Variants in CACNA1C observed in about 807,000 individuals in gnomAD.
CACNA1C encodes the protein calcium voltage-gated channel subunit alpha1 C.
In CACNA1C, 30 loss-of-function variants were observed where a neutral mutation model predicts 229.0. That is an observed-to-expected ratio of 0.13 (90% CI 0.10 to 0.18). CACNA1C has a LOEUF of 0.18. CACNA1C is among the 10% of genes least tolerant of loss of function. The probability of loss-of-function intolerance (pLI) is 1.00; values close to 1 mark genes in which losing one functional copy is unlikely to be tolerated. For missense variants in CACNA1C, 1,658 were observed against 2,845.0 expected (o/e 0.58, Z 9.49); for synonymous variants, 1,114 against 1,132.5 (o/e 0.98, Z 0.33).
At chr12:2,154,746 C>A (rs1441687686) in intron 3 of CACNA1C, among the ~76,000 whole-genome samples, 1 of 152,228 alleles carries the variant, frequency 6.6e-6, no homozygotes, top group Non-Finnish European at 1.5e-5. Flanking sequence ...TCTCTCAGCT[C>A]CAAAGGCACA....
At chr12:2,395,829 A>G (rs1218049791) in intron 3 of CACNA1C, among the ~76,000 whole-genome samples, 2 of 152,212 alleles carry the variant, frequency 1.3e-5, no homozygotes, top group Non-Finnish European at 2.9e-5. Flanking sequence ...TCTGAGCCAC[A>G]TGAGTAGTTG....
chr12:2,091,777 A>G (rs1465358802), intron 1 of CACNA1C, among the ~76,000 whole-genome samples: 1 of 152,246 alleles, frequency 6.6e-6, no homozygotes, highest in African/African-American at 2.4e-5. Context: ...GGCAGGGGTA[A>G]GAGCATCTTT....
rs546615545 is a variant in CACNA1C, at chr12:2,345,213, G to A, written c.478-103763G>A. Among the ~76,000 whole-genome samples the A allele has an allele frequency of 1.0e-3, 158 of 151,988 alleles. 1 individual carries two copies. The highest frequency in any genetic ancestry group is 3.7e-3 in the African/African-American group (155 of 41,406). ...CTTGCCAAGTGCGCAGAGGTGAAAGGGAATGTGAGAGAGTCTATGGGGCAG... is the reference window on the plus strand; with the variant it reads ...CTTGCCAAGTGCGCAGAGGTGAAAGAGAATGTGAGAGAGTCTATGGGGCAG... On this transcript the variant is annotated intron_variant, in intron 3 of 46. Transcript: ENST00000399655.
Position 2,029,350 on chromosome 12 carries a change from C to T in CACNA1C, c.139+58149C>T, listed in dbSNP as rs1239002023. Among the ~76,000 whole-genome samples, 8 of 152,240 alleles carry T rather than the reference C, an allele frequency of 5.3e-5. No homozygotes were observed. The highest frequency in any genetic ancestry group is 1.3e-4 in the Admixed American group (2 of 15,304). On this transcript the variant is annotated intron_variant, in intron 1 of 46. Transcript: ENST00000682462. This position sits in a 1 kb window ranked among gnomAD's most constrained non-coding sequence, Gnocchi z 4.9. The stretch of plus-strand genomic sequence containing the variant: ...GAAATCCAGAGCTATGTAACACATC[C>T]GCAATATACACCATCACCACTAACT...
chr12:2,069,055 AAG>A (rs2060343933), intron 1 of CACNA1C, among the ~76,000 whole-genome samples: 1 of 152,162 alleles, frequency 6.6e-6, no homozygotes, highest in South Asian at 2.1e-4. Flanking sequence ...TGAAGGAGAA[AAG>A]AAAATTTTGA....
chr12:2,585,470 G>A lies in CACNA1C; in HGVS notation c.2434G>A (p.Asp812Asn). 1 of 1,574,444 alleles carries A rather than the reference G, an allele frequency of 6.4e-7. No homozygotes were observed. The highest frequency in any genetic ancestry group is 8.6e-7 in the Non-Finnish European group (1 of 1,159,070). The change falls in exon 17 of 47, where the codon GAC (aspartate) becomes AAC (asparagine). Residue 812 changes from aspartate (D) to asparagine (N), a missense_variant. Physicochemically the swap from Asp to Asn is conservative, Grantham distance 23. Coordinates refer to ENST00000399655, the MANE Select transcript of CACNA1C (RefSeq NM_000719.7). The surrounding 1 kb of genome is among the most constrained non-coding windows in gnomAD (Gnocchi z 4.1). Reference sequence around the variant, plus strand: ...GATTGAGCTGAAATCCATCACGGCTGACGGAGAGTCTCCACCCGCCACCAA... The same window carrying A: ...GATTGAGCTGAAATCCATCACGGCTAACGGAGAGTCTCCACCCGCCACCAA... ...EKIELKSITA[D>N]GESPPATKIN...
intron 31 of CACNA1C, among the ~76,000 whole-genome samples, chr12:2,650,325 G>T (rs1156877601): frequency 6.6e-6 from 1 of 152,198 alleles, no homozygotes; most frequent in African/African-American, 2.4e-5. Context: ...AGCGCAGTTA[G>T]AAGGGCTTTA....
At chr12:2,001,219 A>G (rs1161784748) in intron 1 of CACNA1C, among the ~76,000 whole-genome samples, 3 of 150,280 alleles carry the variant, frequency 2.0e-5, no homozygotes, top group Non-Finnish European at 3.0e-5. Context: ...GGGCAACCAG[A>G]TTTTTTTTTT....
chr12:2,079,728 T>C (rs1297467787), intron 1 of CACNA1C, among the ~76,000 whole-genome samples: 1 of 152,120 alleles, frequency 6.6e-6, no homozygotes, highest in Non-Finnish European at 1.5e-5. Flanking sequence ...CAAAACTAGA[T>C]CTAGGATAAC....
At chr12:2,357,508 G>A (rs1315969726) in intron 3 of CACNA1C, among the ~76,000 whole-genome samples, 2 of 152,090 alleles carry the variant, frequency 1.3e-5, no homozygotes, top group African/African-American at 4.8e-5. Context: ...TCTTCTCAAG[G>A]TGAGTAATCC....
At chr12:2,534,651 G>T (rs888023237) in intron 9 of CACNA1C, among the ~76,000 whole-genome samples, 2 of 152,048 alleles carry the variant, frequency 1.3e-5, no homozygotes, top group African/African-American at 4.8e-5. Context: ...CTACTAATGA[G>T]CAAGTCCTCA....
At chr12:2,051,830 C>T (rs915087458), upstream of CACNA1C, among the ~76,000 whole-genome samples, 2 of 152,190 alleles carry the variant, frequency 1.3e-5, no homozygotes, top group Non-Finnish European at 2.9e-5. Context: ...GTCTATCAGA[C>T]GGAGTCAGCT....
At chr12:2,454,997 A>G (rs1359457582) in intron 4 of CACNA1C, among the ~76,000 whole-genome samples, 3 of 152,048 alleles carry the variant, frequency 2.0e-5, no homozygotes, top group Non-Finnish European at 4.4e-5. Context: ...CCTTCTTGCC[A>G]GTGAAGGAGC....
intron 30 of CACNA1C, among the ~76,000 whole-genome samples, chr12:2,638,896 C>T (rs976078397): frequency 2.0e-5 from 3 of 149,898 alleles, no homozygotes; most frequent in Non-Finnish European, 4.4e-5. Flanking sequence ...GGTGGACACA[C>T]AGGTCAGAGG....
At chr12:1,977,218 T>G (rs2034662486) in intron 1 of CACNA1C, among the ~76,000 whole-genome samples, 1 of 152,206 alleles carries the variant, frequency 6.6e-6, no homozygotes, top group South Asian at 2.1e-4. Context: ...CCATGTAGCC[T>G]GAAGCCTAGG....
At chr12:2,442,076 C>T (rs189942793) in intron 3 of CACNA1C, among the ~76,000 whole-genome samples, 5 of 152,244 alleles carry the variant, frequency 3.3e-5, no homozygotes, top group Admixed American at 2.0e-4. Context: ...CAGTTGGTGC[C>T]AGAATCAAAA....
intron 1 of CACNA1C, among the ~76,000 whole-genome samples, chr12:2,094,492 C>T (rs913287313): frequency 6.6e-6 from 1 of 152,124 alleles, no homozygotes; most frequent in Admixed American, 6.5e-5. Context: ...TTTCTTTGGC[C>T]AGCATGTCCT....
intron 30 of CACNA1C, among the ~76,000 whole-genome samples, chr12:2,644,039 A>G (rs2094055561): frequency 6.6e-6 from 1 of 152,222 alleles, no homozygotes; most frequent in South Asian, 2.1e-4. Flanking sequence ...TGAAATTTAT[A>G]TCAGATCCAC....
chr12:2,658,493 A>G (rs1232578765), intron 34 of CACNA1C, among the ~76,000 whole-genome samples: 2 of 152,236 alleles, frequency 1.3e-5, no homozygotes, highest in Non-Finnish European at 2.9e-5. Context: ...GCTGCCAGTC[A>G]TAGATAAGTA....
Sources: allele counts gnomAD v4.1 joint callset (sites outside exome capture counted in the v4.1 genomes callset), GRCh38; gene constraint gnomAD v4.1.1; non-coding constraint Gnocchi (gnomAD v3.1); transcripts MANE v1.5; gene names NCBI Gene and HGNC (gene_info 2026-07-23, HGNC 2026-07-21).